The following CACNB4 variants were observed in gnomAD, a reference collection of about 807,000 sequenced individuals.
The protein encoded by CACNB4 is voltage-dependent L-type calcium channel subunit beta-4.
In CACNB4, 32 loss-of-function variants were observed where a neutral mutation model predicts 71.2. The observed-to-expected ratio is 0.45, with a 90% CI of 0.34 to 0.60. The LOEUF is 0.60. CACNB4 is among the 20% of genes least tolerant of loss of function. CACNB4 has a pLI of 0.01. For missense variants in CACNB4, 464 were observed against 647.9 expected (o/e 0.72, Z 3.08); for synonymous variants, 231 against 236.9 (o/e 0.97, Z 0.23).
intron 2 of CACNB4, among the ~76,000 whole-genome samples, chr2:151,957,424 G>C (rs2099868595): frequency 6.6e-6 from 1 of 151,922 alleles, no homozygotes; most frequent in Non-Finnish European, 1.5e-5. Flanking sequence ...ACCATTTATT[G>C]AGTGCCCATC....
At chr2:152,091,226 T>C (rs756922541) in intron 2 of CACNB4, among the ~76,000 whole-genome samples, 2 of 152,090 alleles carry the variant, frequency 1.3e-5, no homozygotes, top group African/African-American at 2.4e-5. Flanking sequence ...AGCGACAGAG[T>C]TCTTTCTTGC....
rs548558746 is a variant in CACNB4 at position 151,837,726 on chromosome 2, A to G, written c.*1393T>C. ...ATATAAAACATAGGTCACCAATTCC[A>G]TAATTATAGCCACTGGAAAAACTGT... On this transcript the variant is annotated 3_prime_UTR_variant, in exon 14 of 14. Coordinates refer to ENST00000539935, the MANE Select transcript of CACNB4 (RefSeq NM_000726.5). The G allele has an allele frequency of 3.3e-5, 5 of 152,198 alleles. No homozygotes were observed. The South Asian group carries it at 1.0e-3, about 32-fold the overall frequency. The allele number at this position is 152,198 out of a possible 1,614,324, so 9.4% of individuals were successfully genotyped here. A position where few individuals can be genotyped will look rare whatever the true frequency, so the allele number is the denominator to read the frequency against.
In CACNB4 at chr2:151,983,675, T is replaced by TCACACA. The variant is rs1553803380; in HGVS notation, c.148-100311_148-100306dup. On this transcript the variant is annotated intron_variant, in intron 2 of 13. Transcript: ENST00000539935. ...AGTATAAAAAAGCCATAAACTTTGG[T>TCACACA]CACACACACACACACACACACACAC... is the stretch of plus-strand genomic sequence containing the variant. Among the ~76,000 whole-genome samples, 390 of 141,538 alleles carry TCACACA rather than the reference T, an allele frequency of 2.8e-3. 2 individuals carry two copies. Among genetic ancestry groups the TCACACA allele is most frequent in the African/African-American group, 8.0e-3 (304 of 38,130 alleles). The allele number at this position is 141,538 out of a possible 152,430, so 92.9% of individuals were successfully genotyped here.
chr2:151,886,305 G>A (rs907877544), intron 2 of CACNB4, among the ~76,000 whole-genome samples: 3 of 152,162 alleles, frequency 2.0e-5, no homozygotes, highest in Admixed American at 2.0e-4. Flanking sequence ...ATGTCCTGGG[G>A]ATGGTTAGTG....
intron 11 of CACNB4, 111 bp from the exon 12 acceptor site, chr2:151,853,654 A>G: frequency 1.6e-6 from 1 of 629,124 alleles, no homozygotes; most frequent in Non-Finnish European, 2.8e-6. Context: ...CAGAGAGGAA[A>G]TGCAGTGTGA....
chr2:151,986,120 T>C lies in CACNB4; in HGVS notation c.148-102750A>G, dbSNP rs1192649326. On this transcript the variant is annotated intron_variant, in intron 2 of 13. Coordinates refer to ENST00000539935, the MANE Select transcript of CACNB4 (RefSeq NM_000726.5). Reference sequence around the variant, plus strand: ...ATTATTCCCTAAGCTATCATCTTGTTCTACGGTACTGACCTTACATCAAAA... The same window carrying C: ...ATTATTCCCTAAGCTATCATCTTGTCCTACGGTACTGACCTTACATCAAAA... Among the ~76,000 whole-genome samples the C allele has an allele frequency of 7.2e-5, 11 of 152,368 alleles. No homozygotes were observed. The East Asian group carries it at 2.1e-3, about 29-fold the overall frequency.
chr2:152,061,005 TA>T (rs1685981926), intron 2 of CACNB4, among the ~76,000 whole-genome samples: 1 of 152,242 alleles, frequency 6.6e-6, no homozygotes, highest in Non-Finnish European at 1.5e-5. Context: ...TATTTCTTTT[TA>T]ATCAAAAATA....
intron 4 of CACNB4, among the ~76,000 whole-genome samples, chr2:151,877,801 C>T (rs2151435181): frequency 6.6e-6 from 1 of 152,300 alleles, no homozygotes; most frequent in South Asian, 2.1e-4. Context: ...AGTTAAGTTC[C>T]ATGACAAGCA....
At chr2:152,019,930 G>C (rs1683562737) in intron 2 of CACNB4, among the ~76,000 whole-genome samples, 1 of 152,232 alleles carries the variant, frequency 6.6e-6, no homozygotes, top group African/African-American at 2.4e-5. Context: ...AAAAGAGGAA[G>C]AGGAATCTTT....
intron 2 of CACNB4, among the ~76,000 whole-genome samples, chr2:152,037,227 C>A (rs1180524880): frequency 6.6e-6 from 1 of 152,172 alleles, no homozygotes; most frequent in African/African-American, 2.4e-5. Flanking sequence ...CTGCTTATCT[C>A]CTTTGAACAA....
chr2:151,886,908 T>C (rs2099849492), intron 2 of CACNB4, among the ~76,000 whole-genome samples: 1 of 152,156 alleles, frequency 6.6e-6, no homozygotes, highest in Non-Finnish European at 1.5e-5. Context: ...CTGTGTTATT[T>C]ACAAAGGCAC....
chr2:152,098,575 C>T lies in CACNB4; in HGVS notation c.64-162G>A. ...GACTCCCAAATACAGCCCCCACCCC[C>T]ACCCACCCACTGCAAGCCTCGACTG... On this transcript the variant is annotated intron_variant, in intron 1 of 13. Transcript: ENST00000539935. This position sits in a 1 kb window ranked among gnomAD's most constrained non-coding sequence, Gnocchi z 5.3. 1 of 877,276 alleles carries T rather than the reference C, an allele frequency of 1.1e-6. No homozygotes were observed. The highest frequency in any genetic ancestry group is 1.9e-6 in the Non-Finnish European group (1 of 530,914). The allele number at this position is 877,276 out of a possible 1,614,324, so 54.3% of individuals were successfully genotyped here. A position where few individuals can be genotyped will look rare whatever the true frequency, so the allele number is the denominator to read the frequency against.
intron 2 of CACNB4, among the ~76,000 whole-genome samples, chr2:152,035,911 T>C (rs1684565235): frequency 6.6e-6 from 1 of 152,156 alleles, no homozygotes. Flanking sequence ...ATAGCCAAGA[T>C]GTGGAAGCAA....
chr2:151,860,156 C>A, intron 10 of CACNB4: 1 of 163,538 alleles, frequency 6.1e-6, no homozygotes, highest in Non-Finnish European at 1.3e-5. Context: ...CCCTGCTCAC[C>A]TATGGCTTGA....
intron 2 of CACNB4, among the ~76,000 whole-genome samples, chr2:151,951,517 G>C (rs190955941): frequency 1.5e-3 from 223 of 152,192 alleles, no homozygotes; most frequent in Non-Finnish European, 2.8e-3. Flanking sequence ...AATAGGTTTC[G>C]GTGTGCTCCT....
chr2:151,920,821 G>A (rs913385690), intron 2 of CACNB4, among the ~76,000 whole-genome samples: 10 of 152,100 alleles, frequency 6.6e-5, no homozygotes, highest in African/African-American at 1.9e-4. Flanking sequence ...AGCTGCCTTA[G>A]AATCCTTAGC....
chr2:151,882,252 G>T (rs2099848102), intron 3 of CACNB4, among the ~76,000 whole-genome samples: 2 of 129,924 alleles, frequency 1.5e-5, no homozygotes, highest in Non-Finnish European at 3.1e-5. Context: ...GCACTGGTGT[G>T]ATCTCAGTTC....
At chr2:152,027,646 G>A (rs965998321) in intron 2 of CACNB4, among the ~76,000 whole-genome samples, 2 of 152,096 alleles carry the variant, frequency 1.3e-5, no homozygotes, top group African/African-American at 2.4e-5. Flanking sequence ...GAGGTCAGGA[G>A]ATCGAGACCA....
intron 2 of CACNB4, among the ~76,000 whole-genome samples, chr2:151,912,322 C>T (rs1395929012): frequency 6.6e-6 from 1 of 151,140 alleles, no homozygotes; most frequent in Non-Finnish European, 1.5e-5. Context: ...ACATTTCTGT[C>T]TTAACGCTGC....
Sources: allele counts gnomAD v4.1 joint callset (sites outside exome capture counted in the v4.1 genomes callset), GRCh38; gene constraint gnomAD v4.1.1; non-coding constraint Gnocchi (gnomAD v3.1); transcripts MANE v1.5; gene names NCBI Gene and HGNC (gene_info 2026-07-23, HGNC 2026-07-21).